Variants in COL4A5 observed in about 807,000 individuals in gnomAD.
The protein encoded by COL4A5 is collagen type IV alpha 5 chain, also known as collagen alpha-5(IV) chain.
A neutral mutation model predicts 130.2 loss-of-function variants in COL4A5; 26 were observed. The observed-to-expected ratio is 0.20, with a 90% CI of 0.15 to 0.28. The LOEUF is 0.28. COL4A5 is among the 10% of genes least tolerant of loss of function. The pLI, the probability that COL4A5 is intolerant of heterozygous loss-of-function variation, is 1.00. For synonymous variants in COL4A5, 496 were observed against 439.6 expected (o/e 1.13, Z -1.60); for missense variants, 1,131 against 1,344.3 (o/e 0.84, Z 2.48).
intron 2 of COL4A5, among the ~76,000 whole-genome samples, chrX:108,547,618 C>T (rs951091922): frequency 5.4e-5 from 6 of 111,753 alleles, no homozygotes; most frequent in South Asian, 3.8e-4. Context: ...CTGGGAGAAC[C>T]GCTAATCTCT....
In COL4A5 at chrX:108,612,779, G is replaced by A. The variant is rs1214592014; in HGVS notation, c.2396-2132G>A. Among the ~76,000 whole-genome samples the A allele has an allele frequency of 3.6e-5, 4 of 111,702 alleles. No individual in the cohort carries two copies. The Admixed American group carries it at 3.8e-4, about 11-fold the overall frequency. ...ACAATTTTTCTTCTAAAATTTATATGGAAAAACAAATGGCCTAGAATAGCC... is the reference window on the plus strand; with the variant it reads ...ACAATTTTTCTTCTAAAATTTATATAGAAAAACAAATGGCCTAGAATAGCC... On this transcript the variant is annotated intron_variant, in intron 29 of 52. Transcript: ENST00000328300.
chrX:108,483,223 ATGTG>A (rs3081023), intron 1 of COL4A5, among the ~76,000 whole-genome samples: 10 of 93,826 alleles, frequency 1.1e-4, no homozygotes, highest in Admixed American at 2.2e-4. Flanking sequence ...GTGTGTGTGT[ATGTG>A]TGTGTGTGTG....
intron 29 of COL4A5, 145 bp downstream of exon 29, chrX:108,607,037 C>A: frequency 4.9e-6 from 3 of 611,911 alleles, no homozygotes; most frequent in East Asian, 3.5e-5. Flanking sequence ...TTCAATCCTT[C>A]ATTGATTATT....
intron 1 of COL4A5, among the ~76,000 whole-genome samples, chrX:108,479,623 GTGGCAGGAGTGAAGACCA>G (rs1156385692): frequency 8.9e-6 from 1 of 111,845 alleles, no homozygotes; most frequent in Non-Finnish European, 1.9e-5. Flanking sequence ...AGAAGACAGG[GTGGCAGGAGTGAAGACCA>G]TGGTCATTTG....
intron 1 of COL4A5, among the ~76,000 whole-genome samples, chrX:108,484,131 C>A (rs1043680939): frequency 1.1e-4 from 12 of 111,695 alleles, no homozygotes; most frequent in Non-Finnish European, 2.1e-4. Flanking sequence ...TTCAATATGT[C>A]AATTGCATTT....
intron 1 of COL4A5, among the ~76,000 whole-genome samples, chrX:108,519,604 T>C (rs1031696472): frequency 2.7e-5 from 3 of 111,668 alleles, no homozygotes; most frequent in Admixed American, 9.5e-5. Context: ...ATGTTTACAT[T>C]ATTTTGAATA....
At chrX:108,573,719 C>T in intron 9 of COL4A5, 65 bp downstream of exon 9, 1 of 741,849 alleles carries the variant, frequency 1.3e-6, no homozygotes, top group Non-Finnish European at 2.1e-6. Context: ...AACAATCCCT[C>T]AACCTTTAGT....
intron 10 of COL4A5, 73 bp from the exon 11 acceptor site, chrX:108,577,879 C>G: frequency 2.2e-6 from 2 of 902,895 alleles, no homozygotes; most frequent in Non-Finnish European, 3.1e-6. Flanking sequence ...CTTACTCTTT[C>G]TGAAACTAAA....
At position 108,677,544 on chromosome X, in the gene COL4A5, G is replaced by A. The variant is rs764755602; in HGVS notation, c.3853G>A (p.Gly1285Ser). Reference sequence around the variant, plus strand: ...TCCTCCAGGTCTCCCTGGAAATGGAGGTATTAAAGGAGAGAAGGGAAATCC... The same window carrying A: ...TCCTCCAGGTCTCCCTGGAAATGGAAGTATTAAAGGAGAGAAGGGAAATCC... ...EGPPGLPGNG[G>S]IKGEKGNPGQ... The change falls in exon 44 of 53, where the codon GGT becomes AGT. Residue 1285 changes from glycine (G) to serine (S), a missense_variant. Physicochemically the swap from Gly to Ser is moderately conservative, Grantham distance 56. Coordinates refer to ENST00000328300, the MANE Select transcript of COL4A5 (RefSeq NM_033380.3). 8.3e-7 allele frequency: 1 copy of A among 1,209,824 alleles called. No individual in the cohort carries two copies. The highest frequency in any genetic ancestry group is 2.2e-5 in the Admixed American group (1 of 46,002).
chrX:108,478,024 G>A (rs1236121453), intron 1 of COL4A5, among the ~76,000 whole-genome samples: 1 of 110,290 alleles, frequency 9.1e-6, no homozygotes, highest in East Asian at 2.9e-4. Flanking sequence ...GAAGGGTCTG[G>A]GCCATTTGTA....
At chrX:108,553,792 T>C (rs1266313111) in intron 2 of COL4A5, among the ~76,000 whole-genome samples, 5 of 111,940 alleles carry the variant, frequency 4.5e-5, no homozygotes, top group African/African-American at 1.6e-4. Context: ...AGTAGCTTTA[T>C]TTGTAATAGC....
chrX:108,601,879 C>A lies in COL4A5; in HGVS notation c.2042-6C>A. The A allele has an allele frequency of 2.8e-6, 3 of 1,080,041 alleles. No homozygotes were observed. The highest frequency in any genetic ancestry group is 3.8e-6 in the Non-Finnish European group (3 of 792,069). 89.0% of individuals were successfully genotyped at this position (1,080,041 alleles called of 1,213,427 possible). On this transcript the variant is annotated splice_polypyrimidine_tract_variant and splice_region_variant and intron_variant, in intron 26 of 52. Transcript: ENST00000328300. ...TTTCCTTTCAATAACTGCTGTTTCT[C>A]CATAGGTGACCCTGGACTTCCAGGG...
chrX:108,667,245 T>C, intron 40 of COL4A5, 62 bp downstream of exon 40: 1 of 1,048,907 alleles, frequency 9.5e-7, no homozygotes, highest in East Asian at 3.0e-5. Context: ...TCCAAATACA[T>C]CTATTTTTCC....
intron 48 of COL4A5, among the ~76,000 whole-genome samples, 174 bp downstream of exon 48, chrX:108,686,303 A>G (rs2068544341): frequency 8.9e-6 from 1 of 112,003 alleles, no homozygotes; most frequent in Admixed American, 9.5e-5. Flanking sequence ...ATTTGTCACT[A>G]TCAGAGAAGC....
intron 2 of COL4A5, among the ~76,000 whole-genome samples, chrX:108,541,427 C>G (rs1355305515): frequency 8.9e-6 from 1 of 112,183 alleles, no homozygotes; most frequent in Non-Finnish European, 1.9e-5. Context: ...GGCATCTGCA[C>G]TTGAAAGAAA....
intron 17 of COL4A5, 108 bp from the exon 18 acceptor site, chrX:108,584,376 T>C: frequency 1.5e-6 from 1 of 675,844 alleles, no homozygotes; most frequent in Non-Finnish European, 2.4e-6. Flanking sequence ...ATTTGAGGTA[T>C]TTTATGATTG....
chrX:108,686,182 G>A (rs73253696), intron 48 of COL4A5, 53 bp downstream of exon 48: 4 of 962,528 alleles, frequency 4.2e-6, no homozygotes, highest in Non-Finnish European at 5.9e-6. Context: ...GAGTCTGAGA[G>A]ACCTCTGGAC....
intron 9 of COL4A5, among the ~76,000 whole-genome samples, chrX:108,575,172 T>C (rs1287663695): frequency 8.9e-6 from 1 of 111,947 alleles, no homozygotes; most frequent in Non-Finnish European, 1.9e-5. Context: ...TTTCAGTTTT[T>C]AACATGCCAA....
At chrX:108,450,914 T>C (rs2147469397) in intron 1 of COL4A5, among the ~76,000 whole-genome samples, 1 of 109,938 alleles carries the variant, frequency 9.1e-6, no homozygotes, top group East Asian at 2.9e-4. Context: ...GTTAGTTACA[T>C]ACATGTGCCA....
Sources: gnomAD v4.1 joint callset for allele counts (sites outside exome capture counted in the v4.1 genomes callset) on GRCh38, gnomAD v4.1.1 for gene constraint, MANE v1.5 for transcripts, NCBI Gene and HGNC (gene_info 2026-07-23, HGNC 2026-07-21) for gene names.